FREM1: variants seen among roughly 807,000 people sequenced by gnomAD.
FREM1 encodes the protein FRAS1-related extracellular matrix protein 1.
In FREM1, 220 loss-of-function variants were observed where a neutral mutation model predicts 210.1. That is an observed-to-expected ratio of 1.05 (90% confidence interval 0.94 to 1.17). FREM1 has a LOEUF of 1.17. FREM1 is among the 50% of genes most tolerant of loss of function. FREM1 has a pLI of 0.00. For synonymous variants in FREM1, 1,189 were observed against 980.2 expected, an observed-to-expected ratio of 1.21 and a Z score of -3.98; for missense variants, 3,454 against 2,675.5, an observed-to-expected ratio of 1.29 and a Z score of -6.42.
chr9:14,738,038 C>G (rs1401524125), intron 36 of FREM1, among the ~76,000 whole-genome samples: 2 of 152,160 alleles, frequency 1.3e-5, no homozygotes, highest in African/African-American at 4.8e-5. Flanking sequence ...TTTTCTTCCT[C>G]ATTATTTAAA....
chr9:14,905,958 C>G (rs192356694), intron 1 of FREM1, among the ~76,000 whole-genome samples: 1 of 152,000 alleles, frequency 6.6e-6, no homozygotes, highest in African/African-American at 2.4e-5. Flanking sequence ...TTAAAGGCCA[C>G]GGGAGTGGTG....
intron 1 of FREM1, among the ~76,000 whole-genome samples, chr9:14,881,123 T>A (rs1040900707): frequency 6.6e-6 from 1 of 152,212 alleles, no homozygotes; most frequent in African/African-American, 2.4e-5. Flanking sequence ...CATATGTATG[T>A]TGTCCTGGAA....
rs369322321 is a variant in FREM1 at position 14,808,176 on chromosome 9, T to C, written c.2894-42A>G. 33 of 1,330,042 alleles carry C rather than the reference T, an allele frequency of 2.5e-5. No individual in the cohort carries two copies. In the African/African-American group the frequency reaches 4.2e-4, roughly 17 times the overall value. 82.4% of individuals were successfully genotyped at this position (1,330,042 alleles called of 1,614,324 possible). ...TAGCTGAAACCTGCCTTTTAAAAAA[T>C]ATAGAATACCAAGATGAAATCTACT... On this transcript the variant is annotated intron_variant, in intron 16 of 36. Coordinates refer to ENST00000380880, the MANE Select transcript of FREM1 (RefSeq NM_001379081.2).
intron 36 of FREM1, 25 bp downstream of exon 36, chr9:14,740,124 T>G: frequency 6.5e-7 from 1 of 1,542,364 alleles, no homozygotes; most frequent in Non-Finnish European, 9.0e-7. Context: ...CCCTCCTCAG[T>G]GCAGCCTCCC....
chr9:14,897,229 A>G (rs1837895916), intron 1 of FREM1, among the ~76,000 whole-genome samples: 2 of 152,166 alleles, frequency 1.3e-5, no homozygotes, highest in Non-Finnish European at 2.9e-5. Context: ...CTTCACTACA[A>G]TGTATGAACT....
chr9:14,875,228 G>A (rs911584040), intron 1 of FREM1, among the ~76,000 whole-genome samples: 2 of 152,116 alleles, frequency 1.3e-5, no homozygotes, highest in Non-Finnish European at 2.9e-5. Flanking sequence ...TTGCTAGATT[G>A]GGGAAGTTTT....
Position 14,807,951 on chromosome 9 carries a change from G to C in FREM1, c.3077C>G (p.Ser1026Cys). 6.2e-7 allele frequency: 1 copy of C among 1,612,152 alleles called. No individual in the cohort carries two copies. The highest frequency in any genetic ancestry group is 8.5e-7 in the Non-Finnish European group (1 of 1,178,492). Residue 1026 changes from serine (S) to cysteine (C), a missense_variant, in exon 17 of 37, where the codon TCC (serine) becomes TGC (cysteine). Ser to Cys is a moderately radical substitution (Grantham distance 112). Transcript: ENST00000380880. Reference protein sequence around the residue: ...TVYPVDNQPPSIAIGPVFVVD... With the variant: ...TVYPVDNQPPCIAIGPVFVVD... ...AAACACATTGTCACCTATTGCAATG[G>C]AAGGTGGCTGGTTGTCTACTGGGTA... is the stretch of plus-strand genomic sequence containing the variant.
intron 35 of FREM1, among the ~76,000 whole-genome samples, chr9:14,740,576 T>C (rs1164478431): frequency 6.6e-6 from 1 of 152,210 alleles, no homozygotes; most frequent in Non-Finnish European, 1.5e-5. Context: ...ACTATTCTTC[T>C]CATAAGTGTA....
intron 24 of FREM1, among the ~76,000 whole-genome samples, chr9:14,781,323 G>C (rs1397340422): frequency 6.6e-6 from 1 of 152,132 alleles, no homozygotes; most frequent in African/African-American, 2.4e-5. Context: ...GTGTAAATAA[G>C]GGATTGCACC....
chr9:14,854,911 C>A (rs1828440846), intron 5 of FREM1, among the ~76,000 whole-genome samples: 3 of 152,064 alleles, frequency 2.0e-5, no homozygotes, highest in South Asian at 2.1e-4. Context: ...TATAAAAGAA[C>A]CTTTGTTCAA....
At chr9:14,860,533 G>GTATATATATAAACA (rs765318937) in intron 3 of FREM1, among the ~76,000 whole-genome samples, 1 of 77,916 alleles carries the variant, frequency 1.3e-5, no homozygotes, top group Non-Finnish European at 2.3e-5. Context: ...TAGTAGGTAT[G>GTATATATATAAACA]TATATATATA....
chr9:14,783,542 T>C (rs1849952560), intron 24 of FREM1, among the ~76,000 whole-genome samples: 1 of 152,208 alleles, frequency 6.6e-6, no homozygotes, highest in Non-Finnish European at 1.5e-5. Context: ...TCGTTCAAAG[T>C]CCAACATTTC....
At chr9:14,846,473 C>T (rs1826639887) in intron 7 of FREM1, among the ~76,000 whole-genome samples, 1 of 152,036 alleles carries the variant, frequency 6.6e-6, no homozygotes, top group Admixed American at 6.5e-5. Context: ...CACATGTATA[C>T]CTATGTAACA....
At chr9:14,887,399 AATCT>A (rs764811159) in intron 1 of FREM1, among the ~76,000 whole-genome samples, 4 of 152,208 alleles carry the variant, frequency 2.6e-5, no homozygotes, top group Non-Finnish European at 5.9e-5. Flanking sequence ...GTATCCTGAC[AATCT>A]CATGCCATTT....
chr9:14,852,490 C>T (rs933693124), intron 5 of FREM1, among the ~76,000 whole-genome samples: 7 of 152,052 alleles, frequency 4.6e-5, no homozygotes, highest in Admixed American at 3.9e-4. Context: ...GAGTTTGAGA[C>T]CAGCCTAGGC....
chr9:14,856,213 A>C (rs1360362706), intron 5 of FREM1, among the ~76,000 whole-genome samples: 2 of 152,152 alleles, frequency 1.3e-5, no homozygotes, highest in African/African-American at 2.4e-5. Context: ...ACCCACTTTA[A>C]GTTGAAGAAA....
chr9:14,825,485 T>C (rs1822179626), intron 10 of FREM1, among the ~76,000 whole-genome samples: 2 of 114,902 alleles, frequency 1.7e-5, no homozygotes. Context: ...TGAGACTCCA[T>C]TTCAAAAAAA....
chr9:14,804,457 C>T (rs1817978295), intron 19 of FREM1, among the ~76,000 whole-genome samples: 1 of 152,148 alleles, frequency 6.6e-6, no homozygotes, highest in African/African-American at 2.4e-5. Context: ...TGGTGGCGGG[C>T]ACCTGCAGTC....
chr9:14,846,784 G>A (rs1413322618), intron 7 of FREM1, among the ~76,000 whole-genome samples: 3 of 152,202 alleles, frequency 2.0e-5, no homozygotes, highest in Admixed American at 6.5e-5. Flanking sequence ...GCGTGCTGCT[G>A]GACTTATCTT....
Sources: allele counts gnomAD v4.1 joint callset (sites outside exome capture counted in the v4.1 genomes callset), GRCh38; gene constraint gnomAD v4.1.1; transcripts MANE v1.5; gene names NCBI Gene and HGNC (gene_info 2026-07-23, HGNC 2026-07-21).